Variants in MECR observed in about 807,000 individuals in gnomAD.
The protein encoded by MECR is enoyl-[acyl-carrier-protein] reductase, mitochondrial.
A neutral mutation model predicts 49.1 loss-of-function variants in MECR; 37 were observed. That is an observed-to-expected ratio of 0.75 (90% confidence interval 0.58 to 0.99). The LOEUF (loss-of-function observed/expected upper bound fraction) is 0.99. MECR is among the 50% of genes least tolerant of loss of function. The probability of loss-of-function intolerance (pLI) is 0.00; values close to 1 mark genes in which losing one functional copy is unlikely to be tolerated. For missense variants in MECR, 470 were observed against 479.6 expected (o/e 0.98, Z 0.19); for synonymous variants, 198 against 191.1 (o/e 1.04, Z -0.30).
chr1:29,208,437 C>T (rs1315997376), intron 3 of MECR, among the ~76,000 whole-genome samples: 2 of 152,242 alleles, frequency 1.3e-5, no homozygotes, highest in African/African-American at 2.4e-5. Flanking sequence ...CAGGCAAGAA[C>T]AGCCTGACTC....
chr1:29,210,233 C>T (rs887976996), intron 3 of MECR, among the ~76,000 whole-genome samples: 1 of 152,090 alleles, frequency 6.6e-6, no homozygotes, highest in Non-Finnish European at 1.5e-5. Flanking sequence ...AGGATGGTCT[C>T]GATCTCCTGA....
At chr1:29,180,904 G>A in the MECR span, among the ~76,000 whole-genome samples, 7 of 152,196 alleles carry the variant, frequency 4.6e-5, no homozygotes, top group Admixed American at 1.3e-4. Flanking sequence ...GCAGATACTA[G>A]CCAGGGTGGC....
the MECR span, among the ~76,000 whole-genome samples, chr1:29,174,524 G>A: frequency 3.9e-5 from 6 of 152,098 alleles, no homozygotes; most frequent in Non-Finnish European, 5.9e-5. Flanking sequence ...AAACCAGGTT[G>A]TAGGAGAATA....
At chr1:29,183,252 A>C in the MECR span, among the ~76,000 whole-genome samples, 1 of 152,234 alleles carries the variant, frequency 6.6e-6, no homozygotes, top group Non-Finnish European at 1.5e-5. Flanking sequence ...ATTCCTTAAG[A>C]GTATAAAAGG....
In MECR at chr1:29,216,148, G is replaced by T. The variant is rs1311978898; in HGVS notation, c.275-12C>A. ...GAATCCGTAGTTTCCTGAGGGAGAA[G>T]AGCATTAAAGGGTCAACCAGTGATG... On this transcript the variant is annotated splice_polypyrimidine_tract_variant and intron_variant, in intron 2 of 9. Transcript: ENST00000263702. The T allele has an allele frequency of 1.9e-6, 3 of 1,613,358 alleles. No individual in the cohort carries two copies. The highest frequency in any genetic ancestry group is 1.3e-5 in the African/African-American group (1 of 74,928).
chr1:29,201,863 C>T lies in MECR; in HGVS notation c.756+80G>A. ...CCAGAGAGGAACAATGGGGCCAGTC[C>T]CCAGTTTCTCTAATGCATGTCAACT... On this transcript the variant is annotated intron_variant, in intron 6 of 9. Transcript: ENST00000263702. The surrounding 1 kb of genome is among the most constrained non-coding windows in gnomAD (Gnocchi z 4.3). The T allele has an allele frequency of 8.2e-7, 1 of 1,216,232 alleles. No homozygotes were observed. 75.3% of individuals were successfully genotyped at this position (1,216,232 alleles called of 1,614,324 possible).
chr1:29,178,271 T>C, the MECR span, among the ~76,000 whole-genome samples: 5 of 151,908 alleles, frequency 3.3e-5, no homozygotes, highest in African/African-American at 1.2e-4. Context: ...TACTGATACA[T>C]CTCACTTCTA....
chr1:29,214,359 C>A (rs1279661045), intron 3 of MECR, among the ~76,000 whole-genome samples: 1 of 144,422 alleles, frequency 6.9e-6, no homozygotes, highest in Non-Finnish European at 1.5e-5. Flanking sequence ...CTGCGCCTGG[C>A]CTTATTTTTT....
the MECR span, among the ~76,000 whole-genome samples, chr1:29,168,046 C>T: frequency 3.7e-4 from 55 of 148,044 alleles, no homozygotes; most frequent in Non-Finnish European, 6.1e-4. Flanking sequence ...AACATAGTCT[C>T]GCTCTGTCGC....
the MECR span, chr1:29,171,766 T>C: frequency 1.3e-5 from 2 of 152,146 alleles, no homozygotes; most frequent in Non-Finnish European, 2.9e-5. Context: ...CACATTTTAT[T>C]ACCGAGTCTA....
the MECR span, among the ~76,000 whole-genome samples, chr1:29,175,791 G>A: frequency 7.0e-6 from 1 of 142,454 alleles, no homozygotes; most frequent in Non-Finnish European, 1.5e-5. Flanking sequence ...TATACATAAA[G>A]AGAGTTATTC....
At chr1:29,212,021 C>T (rs1678139271) in intron 3 of MECR, among the ~76,000 whole-genome samples, 2 of 152,234 alleles carry the variant, frequency 1.3e-5, no homozygotes, top group African/African-American at 2.4e-5. Flanking sequence ...TCAAGCCCAG[C>T]ATGCTGCAGA....
the MECR span, among the ~76,000 whole-genome samples, chr1:29,177,032 A>G: frequency 6.6e-6 from 1 of 152,252 alleles, no homozygotes. Context: ...TAACTAAAAT[A>G]TGGAAAAGCT....
chr1:29,230,698 G>C (rs1215400630), intron 1 of MECR, 33 bp downstream of exon 1: 2 of 1,552,728 alleles, frequency 1.3e-6, no homozygotes, highest in African/African-American at 2.7e-5. Flanking sequence ...AGAAACCCCA[G>C]TCCCCTTCCC....
the MECR span, among the ~76,000 whole-genome samples, chr1:29,174,871 A>G: frequency 6.6e-6 from 1 of 151,342 alleles, no homozygotes; most frequent in Admixed American, 6.6e-5. Flanking sequence ...ACAGGGTTTC[A>G]CCATGTTGGC....
the MECR span, among the ~76,000 whole-genome samples, chr1:29,186,348 T>C: frequency 6.6e-6 from 1 of 152,238 alleles, no homozygotes; most frequent in Non-Finnish European, 1.5e-5. Context: ...TGGCTCCTTC[T>C]TATTCAGGCC....
intron 3 of MECR, among the ~76,000 whole-genome samples, chr1:29,212,343 C>T (rs754417603): frequency 4.3e-4 from 66 of 152,120 alleles, no homozygotes; most frequent in Non-Finnish European, 8.8e-4. Flanking sequence ...TGCTTGAACC[C>T]ATGAGGTGGA....
At chr1:29,174,672 T>C in the MECR span, among the ~76,000 whole-genome samples, 3 of 145,380 alleles carry the variant, frequency 2.1e-5, no homozygotes, top group South Asian at 4.4e-4. Context: ...GTGCAGGAGA[T>C]AGGTTTTTTT....
At chr1:29,169,566 CTA>C in the MECR span, 1 of 152,146 alleles carries the variant, frequency 6.6e-6, no homozygotes, top group African/African-American at 2.4e-5. Context: ...AATTTTAATA[CTA>C]GTCTAGGAAA....
Sources: allele counts gnomAD v4.1 joint callset (sites outside exome capture counted in the v4.1 genomes callset), GRCh38; gene constraint gnomAD v4.1.1; non-coding constraint Gnocchi (gnomAD v3.1); transcripts MANE v1.5; gene names NCBI Gene and HGNC (gene_info 2026-07-23, HGNC 2026-07-21).